Variants in ACER1 observed in about 807,000 individuals in gnomAD.
ACER1 encodes alkaline ceramidase 1, also known as CTB-180A7.3.
ACER1 carries 28 observed loss-of-function variants against 24.9 expected under a neutral mutation model. That is an observed-to-expected ratio of 1.13 (90% CI 0.83 to 1.54). The LOEUF (loss-of-function observed/expected upper bound fraction) is 1.54, where lower values mean the gene tolerates loss of function less well. ACER1 is among the 40% of genes most tolerant of loss of function. The probability of loss-of-function intolerance (pLI) is 0.00; values close to 1 mark genes in which losing one functional copy is unlikely to be tolerated. For synonymous variants in ACER1, 132 were observed against 131.4 expected (o/e 1.00, Z -0.03); for missense variants, 352 against 349.3 (o/e 1.01, Z -0.06).
Position 6,312,404 on chromosome 19 carries a change from C to T in ACER1, c.189G>A (p.Trp63Ter). 1 of 1,613,964 alleles carries T rather than the reference C, an allele frequency of 6.2e-7. No homozygotes were observed. Among genetic ancestry groups the T allele is most frequent in the Non-Finnish European group, 8.5e-7 (1 of 1,179,994 alleles). The change falls in exon 2 of 6, where the codon TGG becomes TGA. Residue 63 changes from tryptophan (W) to a stop codon, truncating the protein, a stop_gained. Transcript: ENST00000301452. LOFTEE classifies it high-confidence loss of function. The stretch of plus-strand genomic sequence containing the variant: ...CCCTACCTATGATCATGAAGAGGAC[C>T]CAGACAACGTAAATGTAGCGGGAGC... ...QKRSRYIYVV[W>*]VLFMIIGLFS...
At chr19:6,327,448 C>T (rs995863894) in intron 1 of ACER1, among the ~76,000 whole-genome samples, 25 of 151,928 alleles carry the variant, frequency 1.6e-4, no homozygotes, top group Non-Finnish European at 8.8e-5. Flanking sequence ...GTCTGTAGTC[C>T]CAGCTACTCG....
At chr19:6,329,931 C>T (rs1159866768) in intron 1 of ACER1, among the ~76,000 whole-genome samples, 2 of 149,822 alleles carry the variant, frequency 1.3e-5, no homozygotes, top group Non-Finnish European at 3.0e-5. Context: ...AGTGCAGTGG[C>T]GTGATCTCAG....
At chr19:6,326,662 G>A (rs533971896) in intron 1 of ACER1, among the ~76,000 whole-genome samples, 18 of 151,890 alleles carry the variant, frequency 1.2e-4, no homozygotes, top group South Asian at 1.0e-3. Context: ...TCCTCTCTCC[G>A]CCTCAAGCTA....
chr19:6,312,437 G>T lies in ACER1; in HGVS notation c.156C>A (p.Ala52=), dbSNP rs1364174850. The change falls in exon 2 of 6, where the codon GCC becomes GCA. Residue 52 remains alanine, a synonymous_variant. Transcript: ENST00000301452. ...CGTAAATGTAGCGGGAGCGCTTCTG[G>T]GCATACGGGTGCATCAGGAGCATCA... The part of the protein sequence containing the change: ...PLMMLLMHPY[A]QKRSRYIYVV... The T allele has an allele frequency of 7.4e-6, 12 of 1,613,956 alleles. No individual in the cohort carries two copies. The highest frequency in any genetic ancestry group is 1.0e-5 in the Non-Finnish European group (12 of 1,180,010).
intron 1 of ACER1, among the ~76,000 whole-genome samples, chr19:6,328,710 A>C (rs186710531): frequency 1.3e-5 from 2 of 151,594 alleles, no homozygotes; most frequent in Non-Finnish European, 2.9e-5. Flanking sequence ...TCTTTCGCAC[A>C]GGCTGGAGTG....
intron 3 of ACER1, among the ~76,000 whole-genome samples, chr19:6,311,250 G>T (rs1050832215): frequency 6.6e-6 from 1 of 152,026 alleles, no homozygotes; most frequent in Non-Finnish European, 1.5e-5. Flanking sequence ...GGGCTCAGGT[G>T]GGTTAAGCCG....
At chr19:6,322,230 T>C (rs1054599352) in intron 1 of ACER1, among the ~76,000 whole-genome samples, 2 of 152,234 alleles carry the variant, frequency 1.3e-5, no homozygotes, top group Non-Finnish European at 2.9e-5. Flanking sequence ...CTAAGTCATT[T>C]GTAATTGCAA....
At chr19:6,340,311 G>A in the ACER1 span, among the ~76,000 whole-genome samples, 2 of 6,896 alleles carry the variant, frequency 2.9e-4, no homozygotes, top group African/African-American at 5.0e-4. Flanking sequence ...AAGGAAGGAA[G>A]GAAGGAAGGA....
intron 1 of ACER1, among the ~76,000 whole-genome samples, chr19:6,329,402 A>ATAGAATAGAATAGAATAGAT (rs2091677246): frequency 3.9e-5 from 6 of 151,956 alleles, no homozygotes; most frequent in African/African-American, 1.4e-4. Flanking sequence ...ATAGAATAGA[A>ATAGAATAGAATAGAATAGAT]TAGAATAGAT....
At chr19:6,335,251 G>GTTTTTT, upstream of ACER1, among the ~76,000 whole-genome samples, 1 of 125,762 alleles carries the variant, frequency 8.0e-6, no homozygotes, top group Non-Finnish European at 1.6e-5. Flanking sequence ...TTGAGATGGA[G>GTTTTTT]CCTCACTCTG....
intron 1 of ACER1, among the ~76,000 whole-genome samples, chr19:6,316,794 TG>T (rs2091605195): frequency 7.2e-6 from 1 of 139,178 alleles, no homozygotes; most frequent in Admixed American, 7.5e-5. Flanking sequence ...CACACCAGTC[TG>T]GGCGACAGAG....
At chr19:6,331,286 A>G (rs1199026214) in intron 1 of ACER1, among the ~76,000 whole-genome samples, 1 of 147,710 alleles carries the variant, frequency 6.8e-6, no homozygotes, top group Non-Finnish European at 1.5e-5. Context: ...AGTAGCTGGG[A>G]CTACAGGCGC....
chr19:6,346,759 A>C, the ACER1 span, among the ~76,000 whole-genome samples: 1 of 151,604 alleles, frequency 6.6e-6, no homozygotes. Context: ...GTCCATTCTA[A>C]GGTTCAAAGG....
chr19:6,313,711 T>C lies in ACER1; in HGVS notation c.94-1212A>G, dbSNP rs1218664954. Among the ~76,000 whole-genome samples the C allele has an allele frequency of 5.9e-5, 9 of 152,350 alleles. No individual in the cohort carries two copies. In the East Asian group the frequency reaches 7.7e-4, roughly 13 times the overall value. On this transcript the variant is annotated intron_variant, in intron 1 of 5. Transcript: ENST00000301452. ...CAAGGAAAGACGATGCAGTACCTTTTTGACAAACAGCATGAAGCAGAAATG... is the reference window on the plus strand; with the variant it reads ...CAAGGAAAGACGATGCAGTACCTTTCTGACAAACAGCATGAAGCAGAAATG...
chr19:6,322,675 T>C (rs1325134624), intron 1 of ACER1, among the ~76,000 whole-genome samples: 1 of 152,198 alleles, frequency 6.6e-6, no homozygotes, highest in East Asian at 1.9e-4. Context: ...TGGAGAATGA[T>C]ATGATTTGGC....
chr19:6,341,627 G>A, the ACER1 span, among the ~76,000 whole-genome samples: 1 of 150,542 alleles, frequency 6.6e-6, no homozygotes, highest in South Asian at 2.1e-4. Context: ...GTTTTGTTTT[G>A]TTTTTCTTTT....
intron 1 of ACER1, among the ~76,000 whole-genome samples, chr19:6,332,845 T>C (rs958835203): frequency 6.6e-6 from 1 of 152,078 alleles, no homozygotes; most frequent in Admixed American, 6.6e-5. Flanking sequence ...TAATTTTTTA[T>C]TTTAGTAGAG....
At chr19:6,358,237 A>G in the ACER1 span, among the ~76,000 whole-genome samples, 1 of 151,808 alleles carries the variant, frequency 6.6e-6, no homozygotes, top group Non-Finnish European at 1.5e-5. Flanking sequence ...TCTGGCCAAC[A>G]CCCTCTGAGC....
upstream of ACER1, among the ~76,000 whole-genome samples, chr19:6,337,281 T>C (rs954004499): frequency 6.6e-6 from 1 of 152,104 alleles, no homozygotes. Context: ...TCTATGTCTC[T>C]TAACACTTAA....
Sources: allele counts gnomAD v4.1 joint callset (sites outside exome capture counted in the v4.1 genomes callset), GRCh38; gene constraint gnomAD v4.1.1; transcripts MANE v1.5; gene names NCBI Gene and HGNC (gene_info 2026-07-23, HGNC 2026-07-21).